The following DCDC2 variants were observed in gnomAD, a reference collection of about 807,000 sequenced individuals.
DCDC2 encodes doublecortin domain containing 2.
In DCDC2, 40 loss-of-function variants were observed where a neutral mutation model predicts 50.2. The observed-to-expected ratio is 0.80, with a 90% CI of 0.62 to 1.04. The LOEUF (loss-of-function observed/expected upper bound fraction) is 1.04, where lower values mean the gene tolerates loss of function less well. Among genes scored for constraint, DCDC2 ranks in the 50% least tolerant of loss-of-function variants. DCDC2 has a pLI of 0.00. For synonymous variants in DCDC2, 234 were observed against 210.6 expected, an observed-to-expected ratio of 1.11 and a Z score of -0.96; for missense variants, 570 against 581.9, an observed-to-expected ratio of 0.98 and a Z score of 0.21.
intron 2 of DCDC2, among the ~76,000 whole-genome samples, chr6:24,346,702 C>T (rs1436897123): frequency 1.3e-5 from 2 of 150,324 alleles, no homozygotes; most frequent in Non-Finnish European, 2.9e-5. Context: ...TGCAGTGAGC[C>T]GAGATCATAC....
Position 24,220,899 on chromosome 6 carries a change from C to CGAGCGAGAGAGT in DCDC2, c.923-15809_923-15798dup, listed in dbSNP as rs1170455755. ...GAGCGAGAGCGAGAGAGTGAGCGAG[C>CGAGCGAGAGAGT]GAGCGAGAGAGTGAGCGAGCGAGCG... On this transcript the variant is annotated intron_variant, in intron 7 of 9. Transcript: ENST00000378454. Among the ~76,000 whole-genome samples the CGAGCGAGAGAGT allele has an allele frequency of 3.3e-3, 377 of 115,798 alleles. 7 individuals are homozygous for CGAGCGAGAGAGT. The highest frequency in any genetic ancestry group is 0.017 in the East Asian group (59 of 3,518). The allele number at this position is 115,798 out of a possible 152,430, so 76.0% of individuals were successfully genotyped here.
At position 24,173,111 on chromosome 6, in the gene DCDC2, G is replaced by C. The variant is rs973514678; in HGVS notation, c.*1619C>G. 8.6e-5 allele frequency: 13 copies of C among 151,922 alleles called. No homozygotes were observed. The highest frequency in any genetic ancestry group is 1.6e-4 in the Non-Finnish European group (11 of 67,974). 9.4% of individuals were successfully genotyped at this position (151,922 alleles called of 1,614,324 possible). The stretch of plus-strand genomic sequence containing the variant: ...CATCCCATTTGAAAAAGTAACGCTA[G>C]TAGAAAGCACAATTTAGATTTTACA... On this transcript the variant is annotated 3_prime_UTR_variant, in exon 10 of 10. Transcript: ENST00000378454.
At chr6:24,298,997 A>G (rs1339742654) in intron 4 of DCDC2, among the ~76,000 whole-genome samples, 1 of 152,212 alleles carries the variant, frequency 6.6e-6, no homozygotes, top group Non-Finnish European at 1.5e-5. Context: ...ATCAAACCCA[A>G]AGGAAAATAA....
At chr6:24,297,253 G>A (rs1424235560) in intron 4 of DCDC2, among the ~76,000 whole-genome samples, 2 of 150,866 alleles carry the variant, frequency 1.3e-5, no homozygotes, top group Admixed American at 1.3e-4. Flanking sequence ...ACAAGGGGGA[G>A]ATAAATGAGG....
the DCDC2 span, among the ~76,000 whole-genome samples, chr6:24,366,962 A>G: frequency 6.6e-6 from 1 of 151,942 alleles, no homozygotes; most frequent in African/African-American, 2.4e-5. Flanking sequence ...CCTCCTTAGT[A>G]GCTAGGATTA....
At chr6:24,259,013 G>A (rs1383602088) in intron 7 of DCDC2, among the ~76,000 whole-genome samples, 3 of 152,058 alleles carry the variant, frequency 2.0e-5, no homozygotes, top group Non-Finnish European at 2.9e-5. Flanking sequence ...GTCTTTCCTC[G>A]AAATTCCTTT....
intron 2 of DCDC2, among the ~76,000 whole-genome samples, chr6:24,343,270 C>G (rs1742274): frequency 6.6e-6 from 1 of 152,172 alleles, no homozygotes; most frequent in East Asian, 1.9e-4. Context: ...AGGATGGTCT[C>G]GATCTCCTGA....
chr6:24,257,246 A>G (rs1762913612), intron 7 of DCDC2, among the ~76,000 whole-genome samples: 1 of 152,198 alleles, frequency 6.6e-6, no homozygotes, highest in African/African-American at 2.4e-5. Context: ...CTAACCTTCA[A>G]ATAAAAACAT....
rs188997241 is a variant in DCDC2 at position 24,336,868 on chromosome 6, G to C, written c.348+16701C>G. ...TTTACTGAATTCTAAATATGTATTAGGTACAGTGCTAGGAGCTAAACACAT... is the reference window on the plus strand; with the variant it reads ...TTTACTGAATTCTAAATATGTATTACGTACAGTGCTAGGAGCTAAACACAT... On this transcript the variant is annotated intron_variant, in intron 2 of 9. Transcript: ENST00000378454. Among the ~76,000 whole-genome samples the C allele has an allele frequency of 9.1e-4, 138 of 152,098 alleles. 1 individual carries two copies. The South Asian group carries it at 0.015, about 16-fold the overall frequency.
At chr6:24,264,751 G>T (rs925037427) in intron 7 of DCDC2, among the ~76,000 whole-genome samples, 2 of 151,692 alleles carry the variant, frequency 1.3e-5, no homozygotes, top group Non-Finnish European at 2.9e-5. Context: ...AATGGCAAGA[G>T]TAAGCCCTTA....
chr6:24,315,461 G>A (rs1759643969), intron 2 of DCDC2, among the ~76,000 whole-genome samples: 1 of 152,086 alleles, frequency 6.6e-6, no homozygotes, highest in African/African-American at 2.4e-5. Context: ...GTACCTCCTA[G>A]TTTATTTACT....
chr6:24,261,823 T>G (rs1054043806), intron 7 of DCDC2, among the ~76,000 whole-genome samples: 2 of 152,124 alleles, frequency 1.3e-5, no homozygotes, highest in Non-Finnish European at 2.9e-5. Flanking sequence ...TCTTAACAGC[T>G]GCAATGAACA....
At chr6:24,209,739 A>G (rs1761814383) in intron 7 of DCDC2, among the ~76,000 whole-genome samples, 1 of 152,144 alleles carries the variant, frequency 6.6e-6, no homozygotes, top group Middle Eastern at 3.2e-3. Flanking sequence ...ATGCCTGTGT[A>G]TCATATAAAA....
intron 6 of DCDC2, among the ~76,000 whole-genome samples, chr6:24,288,176 C>T (rs1043851147): frequency 2.6e-5 from 4 of 152,182 alleles, no homozygotes; most frequent in Non-Finnish European, 5.9e-5. Context: ...CAAATCAGTT[C>T]TGATCACAAC....
At chr6:24,370,553 CA>C in the DCDC2 span, among the ~76,000 whole-genome samples, 1 of 151,798 alleles carries the variant, frequency 6.6e-6, no homozygotes, top group Non-Finnish European at 1.5e-5. Context: ...ACAAAAAATA[CA>C]AAAAAATTAG....
chr6:24,347,634 T>C (rs1176145464), intron 2 of DCDC2, among the ~76,000 whole-genome samples: 7 of 152,148 alleles, frequency 4.6e-5, no homozygotes, highest in Admixed American at 4.6e-4. Flanking sequence ...TATAAAGACT[T>C]GAGCGTCCTT....
chr6:24,205,245 C>A, intron 7 of DCDC2, 143 bp from the exon 8 acceptor site: 2 of 1,579,862 alleles, frequency 1.3e-6, no homozygotes, highest in Non-Finnish European at 1.7e-6. Flanking sequence ...ACCCCCTCCT[C>A]CGACCACCAC....
chr6:24,246,536 G>C (rs1158212165), intron 7 of DCDC2, among the ~76,000 whole-genome samples: 1 of 120,648 alleles, frequency 8.3e-6, no homozygotes, highest in African/African-American at 3.0e-5. Context: ...ACCTAGGCTG[G>C]AGTTCAGTGG....
At position 24,277,157 on chromosome 6, in the gene DCDC2, G is replaced by A. The variant is rs188071653; in HGVS notation, c.922+892C>T. Among the ~76,000 whole-genome samples the A allele has an allele frequency of 2.9e-4, 44 of 152,068 alleles. 1 individual carries two copies. The highest frequency in any genetic ancestry group is 2.4e-3 in the Admixed American group (37 of 15,280). ...TAATTCTAATGTAACTCTTCATATC[G>A]ACTTTGAAATAAGCTGGAGCTCCCA... On this transcript the variant is annotated intron_variant, in intron 7 of 9. Coordinates refer to ENST00000378454, the MANE Select transcript of DCDC2 (RefSeq NM_016356.5).
Sources: gnomAD v4.1 joint callset for allele counts (sites outside exome capture counted in the v4.1 genomes callset) on GRCh38, gnomAD v4.1.1 for gene constraint, MANE v1.5 for transcripts, NCBI Gene and HGNC (gene_info 2026-07-23, HGNC 2026-07-21) for gene names.